PELP1: variants seen among roughly 807,000 people sequenced by gnomAD.
PELP1 encodes the protein proline-, glutamic acid- and leucine-rich protein 1.
A neutral mutation model predicts 95.5 loss-of-function variants in PELP1; 32 were observed. The observed-to-expected ratio is 0.34, with a 90% CI of 0.25 to 0.45. The LOEUF is 0.45. Among genes scored for constraint, PELP1 ranks in the 20% least tolerant of loss-of-function variants. The pLI is 1.00. For missense variants in PELP1, 1,358 were observed against 1,444.8 expected (o/e 0.94, Z 0.97); for synonymous variants, 668 against 600.1 (o/e 1.11, Z -1.65).
At chr17:4,674,242 G>A (rs960950152) in intron 13 of PELP1, among the ~76,000 whole-genome samples, 4 of 152,266 alleles carry the variant, frequency 2.6e-5, no homozygotes, top group Admixed American at 6.5e-5. Flanking sequence ...CGCAGGACCC[G>A]AGGCCGCCTG....
intron 5 of PELP1, among the ~76,000 whole-genome samples, chr17:4,679,113 G>A (rs1912605114): frequency 6.6e-6 from 1 of 151,612 alleles, no homozygotes; most frequent in South Asian, 2.1e-4. Flanking sequence ...TGCACCCTCT[G>A]CCTCCCAGCT....
chr17:4,676,266 C>T, intron 7 of PELP1, 91 bp downstream of exon 7: 2 of 1,577,302 alleles, frequency 1.3e-6, no homozygotes, highest in Non-Finnish European at 1.7e-6. Flanking sequence ...TCCCCAAAAA[C>T]CAACTGCCCC....
intron 1 of PELP1, among the ~76,000 whole-genome samples, chr17:4,701,734 A>G (rs1913547862): frequency 6.6e-6 from 1 of 152,230 alleles, no homozygotes; most frequent in African/African-American, 2.4e-5. Flanking sequence ...GAGGGAAAGG[A>G]CCATGTCTTA....
At chr17:4,698,089 C>A (rs2150566367) in intron 1 of PELP1, among the ~76,000 whole-genome samples, 1 of 149,980 alleles carries the variant, frequency 6.7e-6, no homozygotes, top group Admixed American at 6.7e-5. Context: ...CAGTGATCCT[C>A]CCACTTCGGC....
Position 4,671,545 on chromosome 17 carries a change from A to T in PELP1, c.3301-14T>A. On this transcript the variant is annotated splice_polypyrimidine_tract_variant and intron_variant, in intron 16 of 16. Transcript: ENST00000572293. Reference sequence around the variant, plus strand: ...GTCATCCTGCTCCTTTTAGGCACAAAGATACAAGATTCAGAATAGTCACAC... The same window carrying T: ...GTCATCCTGCTCCTTTTAGGCACAATGATACAAGATTCAGAATAGTCACAC... The T allele has an allele frequency of 6.2e-7, 1 of 1,613,564 alleles. No homozygotes were observed. Among genetic ancestry groups the T allele is most frequent in the East Asian group, 2.2e-5 (1 of 44,874 alleles).
intron 3 of PELP1, chr17:4,683,162 TG>T: frequency 2.9e-6 from 3 of 1,045,310 alleles, no homozygotes; most frequent in Non-Finnish European, 2.4e-6. Context: ...GGAATTTGTG[TG>T]GGGGAAAAAA....
chr17:4,681,756 C>T (rs921313241), intron 5 of PELP1, among the ~76,000 whole-genome samples: 7 of 151,864 alleles, frequency 4.6e-5, no homozygotes, highest in African/African-American at 1.2e-4. Flanking sequence ...GCCAAGATCA[C>T]GCCACTGCAC....
At chr17:4,676,852 CTCTGAGAGCCAGA>C in intron 5 of PELP1, 40 bp from the exon 6 acceptor site, 1 of 1,463,276 alleles carries the variant, frequency 6.8e-7, no homozygotes, top group Non-Finnish European at 9.4e-7. Context: ...AGTGAGCCAG[CTCTGAGAGCCAGA>C]GATGTACATC....
At chr17:4,694,120 C>T (rs1199417317) in intron 1 of PELP1, among the ~76,000 whole-genome samples, 8 of 152,074 alleles carry the variant, frequency 5.3e-5, no homozygotes, top group Admixed American at 5.3e-4. Flanking sequence ...CCAAAGGCTA[C>T]ATATTATACA....
At chr17:4,698,902 T>C (rs1033121779) in intron 1 of PELP1, among the ~76,000 whole-genome samples, 1 of 152,096 alleles carries the variant, frequency 6.6e-6, no homozygotes, top group African/African-American at 2.4e-5. Context: ...CACACTAAAA[T>C]ATGTCAAAGT....
Position 4,676,068 on chromosome 17 carries a change from C to A in PELP1, c.948G>T (p.Ser316=). 6.2e-7 allele frequency: 1 copy of A among 1,613,996 alleles called. No individual in the cohort carries two copies. The highest frequency in any genetic ancestry group is 1.1e-5 in the South Asian group (1 of 91,088). The part of the protein sequence containing the change: ...HVLLQLRQRF[S]GLARCLGLML... ...TGAGCCCTAGGCAGCGGGCCAGTCC[C>A]GAAAACCTCTGCCGAAGCTGGAGAA... Residue 316 remains serine, a synonymous_variant, in exon 8 of 17, where the codon TCG becomes TCT. Coordinates refer to ENST00000572293, the MANE Select transcript of PELP1 (RefSeq NM_014389.3).
In PELP1 at chr17:4,683,092, A is replaced by G. The variant is rs1238663200; in HGVS notation, c.421-140T>C. 3.8e-6 allele frequency: 5 copies of G among 1,325,842 alleles called. No individual in the cohort carries two copies. In the African/African-American group the frequency reaches 4.5e-5, roughly 12 times the overall value. 82.1% of individuals were successfully genotyped at this position (1,325,842 alleles called of 1,614,324 possible). ...TCCAAGCCACTACCTGGCAGAAAAG[A>G]GGGTGTGGAGACACGGATACTGTGT... On this transcript the variant is annotated intron_variant, in intron 3 of 16. Coordinates refer to ENST00000572293, the MANE Select transcript of PELP1 (RefSeq NM_014389.3).
At chr17:4,674,712 C>G (rs4790673) in intron 12 of PELP1, 43 bp from the exon 13 acceptor site, 1,573,940 of 1,586,506 alleles carry the variant, frequency 0.99, 781,573 homozygotes, top group East Asian at 1. Context: ...AGGCAAACAA[C>G]AAGGCAAGAC....
Position 4,673,499 on chromosome 17 carries a change from C to G in PELP1, c.1639-43G>C. 1 of 1,568,754 alleles carries G rather than the reference C, an allele frequency of 6.4e-7. No individual in the cohort carries two copies. Among genetic ancestry groups the G allele is most frequent in the Non-Finnish European group, 8.7e-7 (1 of 1,146,360 alleles). On this transcript the variant is annotated intron_variant, in intron 14 of 16. Transcript: ENST00000572293. The surrounding 1 kb of genome is among the most constrained non-coding windows in gnomAD (Gnocchi z 5.7). ...CACCTGGAAACATCCCCAAGACCAC[C>G]CAACCCTTCTCCAGAGCCTACTCCC...
Position 4,672,721 on chromosome 17 carries a change from C to G in PELP1, c.2270G>C (p.Gly757Ala), listed in dbSNP as rs748631878. The G allele has an allele frequency of 1.1e-5, 18 of 1,613,220 alleles. No homozygotes were observed. Among genetic ancestry groups the G allele is most frequent in the African/African-American group, 9.3e-5 (7 of 74,910 alleles). Residue 757 changes from glycine to alanine, a missense_variant, in exon 16 of 17, where the codon GGG becomes GCG. Gly to Ala is a moderately conservative substitution (Grantham distance 60, BLOSUM62 0). Transcript: ENST00000572293. ...AAAGGCTGGTCTGGGCACTCTCCCCCCAAAAGTTTCATCTGGGGGTATAGT... is the reference window on the plus strand; with the variant it reads ...AAAGGCTGGTCTGGGCACTCTCCCCGCAAAAGTTTCATCTGGGGGTATAGT... The part of the protein sequence containing the change: ...PPTIPPDETF[G>A]GRVPRPAFVH...
chr17:4,680,287 CT>C (rs1352137858), intron 5 of PELP1, among the ~76,000 whole-genome samples: 2 of 152,136 alleles, frequency 1.3e-5, no homozygotes, highest in Admixed American at 6.5e-5. Context: ...CATTTTCTTT[CT>C]TTTTTTGGAG....
At chr17:4,692,418 G>C (rs1407476981) in intron 1 of PELP1, among the ~76,000 whole-genome samples, 1 of 150,414 alleles carries the variant, frequency 6.6e-6, no homozygotes, top group African/African-American at 2.5e-5. Flanking sequence ...AGTGAGCCGA[G>C]ATCATGCCAC....
At position 4,704,055 on chromosome 17, in the gene PELP1, G is replaced by T. The variant is rs151144796; in HGVS notation, c.57C>A (p.Gly19=). ...PSAGSAAGVP[G]GTGGLSAVSS... is the part of the protein sequence containing the mutation. ...TCACTGCCGAGAGACCCCCGGTCCC[G>T]CCAGGAACCCCAGCCGCGGAGCCCG... Residue 19 remains glycine, a synonymous_variant, in exon 1 of 17, where the codon GGC becomes GGA. Coordinates refer to ENST00000572293, the MANE Select transcript of PELP1 (RefSeq NM_014389.3). The T allele has an allele frequency of 2.2e-3, 3,556 of 1,612,278 alleles. 68 individuals are homozygous for T. In the African/African-American group the frequency reaches 0.039, roughly 18 times the overall value.
rs3862485 is a variant in PELP1, at chr17:4,671,988, A to C, written c.3003T>G (p.Pro1001=). The C allele has an allele frequency of 6.5e-7, 1 of 1,545,660 alleles. No individual in the cohort carries two copies. Among genetic ancestry groups the C allele is most frequent in the Non-Finnish European group, 8.7e-7 (1 of 1,150,218 alleles). The change falls in exon 16 of 17, where the codon CCT becomes CCG. Residue 1001 remains proline (P), a synonymous_variant. Coordinates refer to ENST00000572293, the MANE Select transcript of PELP1 (RefSeq NM_014389.3). ...CCACTTCCAAAAGCAGCCCGGGTTC[A>C]GGTTCGGGTTCTGGCTGCACCTTTG... ...SPPKVQPEPE[P]EPGLLLEVEE...
Sources: allele counts gnomAD v4.1 joint callset (sites outside exome capture counted in the v4.1 genomes callset), GRCh38; gene constraint gnomAD v4.1.1; non-coding constraint Gnocchi (gnomAD v3.1); transcripts MANE v1.5; gene names NCBI Gene and HGNC (gene_info 2026-07-23, HGNC 2026-07-21).